The following ULK4 variants were observed in gnomAD, a reference collection of about 807,000 sequenced individuals.
The protein encoded by ULK4 is inactive serine/threonine-protein kinase ULK4.
In ULK4, 133 loss-of-function variants were observed where a neutral mutation model predicts 160.6. The observed-to-expected ratio is 0.83, with a 90% CI of 0.72 to 0.96. The LOEUF (loss-of-function observed/expected upper bound fraction) is 0.96. ULK4 is among the 40% of genes least tolerant of loss of function. The pLI, the probability that ULK4 is intolerant of heterozygous loss-of-function variation, is 0.00. For synonymous variants in ULK4, 534 were observed against 539.8 expected, an observed-to-expected ratio of 0.99 and a Z score of 0.15; for missense variants, 1,580 against 1,499.5, an observed-to-expected ratio of 1.05 and a Z score of -0.89.
chr3:41,651,356 C>A (rs886911443), intron 30 of ULK4, among the ~76,000 whole-genome samples: 1 of 152,194 alleles, frequency 6.6e-6, no homozygotes, highest in Non-Finnish European at 1.5e-5. Context: ...GCCCACCCCA[C>A]CTCATAAAAC....
chr3:41,910,579 G>A (rs1322610080), intron 11 of ULK4, among the ~76,000 whole-genome samples: 1 of 151,196 alleles, frequency 6.6e-6, no homozygotes, highest in Non-Finnish European at 1.5e-5. Context: ...CTGGACAACA[G>A]AACAAGACTC....
chr3:41,539,118 T>C (rs74663628), intron 32 of ULK4, among the ~76,000 whole-genome samples: 2,665 of 151,690 alleles, frequency 0.018, 85 homozygotes, highest in African/African-American at 0.062. Flanking sequence ...CTAAAATTCA[T>C]CTGACATATT....
intron 32 of ULK4, among the ~76,000 whole-genome samples, chr3:41,558,035 T>C (rs1795355): frequency 0.43 from 65,980 of 152,006 alleles, 15,539 homozygotes; most frequent in Middle Eastern, 0.55. Flanking sequence ...ATTGGCACAT[T>C]ACTTAGAGCA....
intron 1 of ULK4, among the ~76,000 whole-genome samples, chr3:41,961,210 G>A (rs367784922): frequency 6.6e-6 from 1 of 152,224 alleles, no homozygotes; most frequent in South Asian, 2.1e-4. Flanking sequence ...GGAACGCTGA[G>A]AGCGAACAGG....
intron 32 of ULK4, among the ~76,000 whole-genome samples, chr3:41,470,624 A>G (rs563021956): frequency 1.3e-5 from 2 of 152,306 alleles, no homozygotes; most frequent in East Asian, 3.9e-4. Flanking sequence ...TGAGGGTTCC[A>G]AGGAAAAAAC....
At chr3:41,848,456 C>T (rs1486254762) in intron 17 of ULK4, among the ~76,000 whole-genome samples, 1 of 152,202 alleles carries the variant, frequency 6.6e-6, no homozygotes, top group Non-Finnish European at 1.5e-5. Context: ...AAATACCTTT[C>T]CTGCACTGTG....
intron 34 of ULK4, among the ~76,000 whole-genome samples, chr3:41,444,627 A>T (rs950862214): frequency 2.6e-5 from 4 of 152,190 alleles, no homozygotes; most frequent in African/African-American, 4.8e-5. Context: ...TGATGCACAT[A>T]AAAACTTAAC....
chr3:41,613,485 GTA>G, intron 31 of ULK4, among the ~76,000 whole-genome samples: 1 of 150,336 alleles, frequency 6.7e-6, no homozygotes, highest in South Asian at 2.1e-4. Flanking sequence ...GATTTGGAAA[GTA>G]TATCTCAGTT....
chr3:41,262,700 C>A (rs921454095), intron 35 of ULK4, among the ~76,000 whole-genome samples: 3 of 152,172 alleles, frequency 2.0e-5, no homozygotes, highest in South Asian at 2.1e-4. Flanking sequence ...TTATCCATAG[C>A]TACCTCCTTT....
At chr3:41,937,440 C>T (rs1358286247) in intron 3 of ULK4, 1 of 604,200 alleles carries the variant, frequency 1.7e-6, no homozygotes, top group Admixed American at 2.8e-5. Flanking sequence ...ATGCATAAAG[C>T]TAGTAATAAT....
chr3:41,567,815 T>A (rs1795347), intron 31 of ULK4, among the ~76,000 whole-genome samples: 4 of 151,994 alleles, frequency 2.6e-5, no homozygotes, highest in African/African-American at 7.2e-5. Context: ...TTGGTATCTC[T>A]TAATTGATTT....
At chr3:41,355,411 C>T (rs1218962113) in intron 35 of ULK4, among the ~76,000 whole-genome samples, 4 of 152,258 alleles carry the variant, frequency 2.6e-5, no homozygotes, top group South Asian at 4.1e-4. Flanking sequence ...AATTATTGTA[C>T]CCATCGTGAA....
At chr3:41,283,920 C>G (rs573693867) in intron 35 of ULK4, among the ~76,000 whole-genome samples, 1 of 151,872 alleles carries the variant, frequency 6.6e-6, no homozygotes, top group Non-Finnish European at 1.5e-5. Flanking sequence ...AGTGACCAAG[C>G]GGAGAATCAA....
At chr3:41,545,495 C>T (rs1332859461) in intron 32 of ULK4, among the ~76,000 whole-genome samples, 2 of 152,122 alleles carry the variant, frequency 1.3e-5, no homozygotes, top group Non-Finnish European at 2.9e-5. Flanking sequence ...AGAGGTCAGC[C>T]ACCATTTGTA....
chr3:41,644,687 T>C (rs1402547139), intron 30 of ULK4, among the ~76,000 whole-genome samples: 1 of 151,294 alleles, frequency 6.6e-6, no homozygotes, highest in African/African-American at 2.4e-5. Flanking sequence ...GGCTTTGGTA[T>C]CAGGATGATG....
At chr3:41,692,558 T>C (rs1360356985) in intron 27 of ULK4, among the ~76,000 whole-genome samples, 1 of 151,816 alleles carries the variant, frequency 6.6e-6, no homozygotes, top group Non-Finnish European at 1.5e-5. Flanking sequence ...ATAATATATA[T>C]TTAATGGTAT....
intron 32 of ULK4, among the ~76,000 whole-genome samples, chr3:41,469,716 T>C (rs2083929103): frequency 7.0e-6 from 1 of 142,000 alleles, no homozygotes; most frequent in Non-Finnish European, 1.5e-5. Context: ...CAGGAAATCA[T>C]GATATATCCA....
rs577044452 is a variant in ULK4 at position 41,462,848 on chromosome 3, T to C, written c.3393+239A>G. Among the ~76,000 whole-genome samples, 20 of 152,336 alleles carry C rather than the reference T, an allele frequency of 1.3e-4. No homozygotes were observed. In the South Asian group the frequency reaches 3.5e-3, roughly 27 times the overall value. On this transcript the variant is annotated intron_variant, in intron 33 of 36. Transcript: ENST00000301831. ...TGGTCAGGAGTGGTTTCCCAACTAA[T>C]GCTTGCTAAGTCTTTGCTTAGTAGT...
intron 1 of ULK4, among the ~76,000 whole-genome samples, chr3:41,961,269 A>G (rs55916855): frequency 0.12 from 18,827 of 152,174 alleles, 1,356 homozygotes; most frequent in Middle Eastern, 0.27. Flanking sequence ...TGACTCCCGC[A>G]CCAGAAGCAT....
Sources: gnomAD v4.1 joint callset for allele counts (sites outside exome capture counted in the v4.1 genomes callset) on GRCh38, gnomAD v4.1.1 for gene constraint, MANE v1.5 for transcripts, NCBI Gene and HGNC (gene_info 2026-07-23, HGNC 2026-07-21) for gene names.